NCOA1: variants seen among roughly 807,000 people sequenced by gnomAD.
The protein encoded by NCOA1 is Hin-2 protein.
In NCOA1, 35 loss-of-function variants were observed where a neutral mutation model predicts 150.9. The ratio of observed to expected loss-of-function variants is 0.23; its 90% CI spans 0.18 to 0.31. The LOEUF is 0.31. Among genes scored for constraint, NCOA1 ranks in the 10% least tolerant of loss-of-function variants. The pLI, the probability that NCOA1 is intolerant of heterozygous loss-of-function variation, is 1.00. For synonymous variants in NCOA1, 590 were observed against 630.0 expected (o/e 0.94, Z 0.95); for missense variants, 1,491 against 1,749.3 (o/e 0.85, Z 2.63).
chr2:24,754,232 C>G (rs531295166), intron 20 of NCOA1, among the ~76,000 whole-genome samples: 4 of 152,260 alleles, frequency 2.6e-5, no homozygotes, highest in Non-Finnish European at 5.9e-5. Context: ...ACATGGGTAG[C>G]CAGAGCCATG....
chr2:24,674,123 A>ATGTATG (rs374312742), intron 7 of NCOA1, among the ~76,000 whole-genome samples: 5 of 145,500 alleles, frequency 3.4e-5, no homozygotes, highest in African/African-American at 1.3e-4. Context: ...ATATGTATGT[A>ATGTATG]TGTGTGTGTG....
chr2:24,604,534 T>G (rs959305831), intron 3 of NCOA1, among the ~76,000 whole-genome samples: 3 of 152,246 alleles, frequency 2.0e-5, no homozygotes, highest in African/African-American at 7.2e-5. Flanking sequence ...ACCTTGCACT[T>G]TTATGTTATG....
intron 8 of NCOA1, among the ~76,000 whole-genome samples, chr2:24,688,542 G>C (rs963462758): frequency 1.3e-5 from 2 of 152,118 alleles, no homozygotes; most frequent in Non-Finnish European, 2.9e-5. Context: ...TTGGCCATAT[G>C]TGTGTCTTCT....
intron 4 of NCOA1, among the ~76,000 whole-genome samples, chr2:24,652,067 A>T (rs926677219): frequency 2.6e-5 from 4 of 152,152 alleles, no homozygotes; most frequent in Non-Finnish European, 4.4e-5. Context: ...GGCCACATAA[A>T]AACTTGTACA....
chr2:24,592,956 A>AC (rs1254889007), intron 3 of NCOA1, among the ~76,000 whole-genome samples: 1 of 151,728 alleles, frequency 6.6e-6, no homozygotes, highest in Admixed American at 6.6e-5. Context: ...CTATTTTCTT[A>AC]CCATCTTTCT....
At chr2:24,616,931 A>G (rs1668895875) in intron 3 of NCOA1, among the ~76,000 whole-genome samples, 1 of 152,186 alleles carries the variant, frequency 6.6e-6, no homozygotes. Context: ...TGGAAAGTTT[A>G]TAAAATGAGG....
chr2:24,753,319 A>G (rs1188064044), intron 20 of NCOA1, among the ~76,000 whole-genome samples: 1 of 152,050 alleles, frequency 6.6e-6, no homozygotes, highest in African/African-American at 2.4e-5. Flanking sequence ...ATGAAATCCA[A>G]CTAAACTCTT....
At chr2:24,521,008 C>A (rs1664395492) in intron 1 of NCOA1, among the ~76,000 whole-genome samples, 1 of 150,852 alleles carries the variant, frequency 6.6e-6, no homozygotes, top group Non-Finnish European at 1.5e-5. Context: ...TTTTGATGTT[C>A]TTTTCCCCAG....
chr2:24,747,327 CTTTTTT>C (rs148901218), intron 19 of NCOA1, among the ~76,000 whole-genome samples: 81 of 120,166 alleles, frequency 6.7e-4, no homozygotes, highest in African/African-American at 2.3e-3. Context: ...TTATTTTTCT[CTTTTTT>C]TTTTTTTTTT....
chr2:24,572,107 T>C (rs1371851145), intron 2 of NCOA1, among the ~76,000 whole-genome samples: 1 of 152,144 alleles, frequency 6.6e-6, no homozygotes, highest in African/African-American at 2.4e-5. Flanking sequence ...AAATACGCTT[T>C]TTGGTTTAAG....
At chr2:24,522,093 G>C (rs1449132448) in intron 1 of NCOA1, among the ~76,000 whole-genome samples, 1 of 152,134 alleles carries the variant, frequency 6.6e-6, no homozygotes, top group Non-Finnish European at 1.5e-5. Flanking sequence ...GGGCAGAATA[G>C]AATAGTACCT....
chr2:24,724,906 T>G (rs1473679834), intron 14 of NCOA1, among the ~76,000 whole-genome samples: 1 of 151,468 alleles, frequency 6.6e-6, no homozygotes, highest in African/African-American at 2.4e-5. Flanking sequence ...TTATTTCCCT[T>G]TTTTTTTGTT....
At chr2:24,566,908 G>A (rs1383696035) in intron 2 of NCOA1, among the ~76,000 whole-genome samples, 2 of 152,236 alleles carry the variant, frequency 1.3e-5, no homozygotes, top group African/African-American at 4.8e-5. Context: ...GGCATGGGGG[G>A]CCTTCCTGGG....
rs549301763 is a variant in NCOA1 at position 24,721,475 on chromosome 2, C to T, written c.2600-5114C>T. 1.8e-4 allele frequency among the ~76,000 whole-genome samples: 28 copies of T among 152,282 alleles called. 1 individual carries two copies. In the East Asian group the frequency reaches 4.4e-3, roughly 24 times the overall value. ...ATTTCTTTAGCTAAAGTGAGAAGCC[C>T]TTTTCCCCTGGCAGTGAATGTAGAT... On this transcript the variant is annotated intron_variant, in intron 14 of 22. Coordinates refer to ENST00000348332, the MANE Select transcript of NCOA1 (RefSeq NM_003743.5).
At chr2:24,602,976 T>A (rs1483106840) in intron 3 of NCOA1, among the ~76,000 whole-genome samples, 1 of 152,226 alleles carries the variant, frequency 6.6e-6, no homozygotes, top group Non-Finnish European at 1.5e-5. Context: ...ATTCCTAAAT[T>A]ATCTATTGAT....
At chr2:24,613,254 G>T (rs1050305176) in intron 3 of NCOA1, among the ~76,000 whole-genome samples, 1 of 152,156 alleles carries the variant, frequency 6.6e-6, no homozygotes, top group African/African-American at 2.4e-5. Flanking sequence ...TTACGGGTAA[G>T]ATCACTTAGC....
intron 1 of NCOA1, among the ~76,000 whole-genome samples, chr2:24,494,545 G>A (rs189498973): frequency 7.7e-4 from 117 of 152,216 alleles, no homozygotes; most frequent in African/African-American, 2.6e-3. Context: ...GGAGATCCCC[G>A]GGACGCTCAT....
rs545292868 is a variant in NCOA1 at position 24,543,556 on chromosome 2, A to G, written c.-395-20739A>G. The stretch of plus-strand genomic sequence containing the variant: ...GGATACAAAATAAACAGATACTACA[A>G]TGTAGTGTGATGGTTGCTACAGTGG... On this transcript the variant is annotated intron_variant, in intron 1 of 22. Coordinates refer to ENST00000348332, the MANE Select transcript of NCOA1 (RefSeq NM_003743.5). 7.2e-5 allele frequency among the ~76,000 whole-genome samples: 11 copies of G among 152,176 alleles called. No homozygotes were observed. In the East Asian group the frequency reaches 1.2e-3, roughly 16 times the overall value.
chr2:24,667,417 A>G (rs1205682503), intron 6 of NCOA1, among the ~76,000 whole-genome samples: 5 of 152,154 alleles, frequency 3.3e-5, no homozygotes, highest in African/African-American at 1.2e-4. Flanking sequence ...CCAGTCAACT[A>G]TTTAATGTGA....
Sources: allele counts gnomAD v4.1 joint callset (sites outside exome capture counted in the v4.1 genomes callset), GRCh38; gene constraint gnomAD v4.1.1; transcripts MANE v1.5; gene names NCBI Gene and HGNC (gene_info 2026-07-23, HGNC 2026-07-21).